Variants in DTWD2 observed in about 807,000 individuals in gnomAD.
DTWD2 encodes the protein DTW motif tRNA-uridine aminocarboxypropyltransferase 2.
A neutral mutation model predicts 31.8 loss-of-function variants in DTWD2; 39 were observed. That is an observed-to-expected ratio of 1.22 (90% CI 0.95 to 1.60). The LOEUF (loss-of-function observed/expected upper bound fraction) is 1.60. DTWD2 is among the 40% of genes most tolerant of loss of function. The pLI is 0.00. For missense variants in DTWD2, 515 were observed against 381.5 expected, an observed-to-expected ratio of 1.35 and a Z score of -2.92; for synonymous variants, 180 against 142.8, an observed-to-expected ratio of 1.26 and a Z score of -1.86.
At chr5:118,884,101 C>A (rs999905955) in intron 4 of DTWD2, among the ~76,000 whole-genome samples, 1 of 152,170 alleles carries the variant, frequency 6.6e-6, no homozygotes, top group African/African-American at 2.4e-5. Flanking sequence ...GAACATTTCT[C>A]ATCTCTGTTT....
At chr5:118,897,691 C>T (rs1167566836) in intron 4 of DTWD2, among the ~76,000 whole-genome samples, 1 of 152,146 alleles carries the variant, frequency 6.6e-6, no homozygotes, top group Non-Finnish European at 1.5e-5. Context: ...ACCATACAAA[C>T]CATACAAACC....
At position 118,854,038 on chromosome 5, in the gene DTWD2, GTAT is replaced by G. The variant is rs1308519489; in HGVS notation, c.598-5823_598-5821del. On this transcript the variant is annotated intron_variant, in intron 4 of 5. Transcript: ENST00000510708. ...TGGAAAATTTTAAATTGGTAAACAA[GTAT>G]TATTAGTCATAATTTATATCTCTGG... Among the ~76,000 whole-genome samples, 7 of 152,234 alleles carry G rather than the reference GTAT, an allele frequency of 4.6e-5. No homozygotes were observed. The East Asian group carries it at 1.3e-3, about 29-fold the overall frequency.
intron 4 of DTWD2, among the ~76,000 whole-genome samples, chr5:118,855,253 C>T (rs1390286951): frequency 2.8e-5 from 4 of 140,744 alleles, no homozygotes; most frequent in East Asian, 2.1e-4. Context: ...AACTTTTTAC[C>T]GCAACTTCTT....
At chr5:118,862,542 C>T (rs995862280) in intron 4 of DTWD2, among the ~76,000 whole-genome samples, 4 of 152,130 alleles carry the variant, frequency 2.6e-5, no homozygotes, top group African/African-American at 4.8e-5. Flanking sequence ...AAGTGAAGAT[C>T]TTGAATTTGC....
chr5:118,859,579 C>A (rs1304364356), intron 4 of DTWD2, among the ~76,000 whole-genome samples: 1 of 152,214 alleles, frequency 6.6e-6, no homozygotes, highest in Non-Finnish European at 1.5e-5. Flanking sequence ...GTCTTCTTTG[C>A]CCCAGCACCA....
intron 1 of DTWD2, among the ~76,000 whole-genome samples, chr5:118,982,306 C>T (rs1176938368): frequency 2.0e-5 from 3 of 152,094 alleles, no homozygotes; most frequent in Non-Finnish European, 2.9e-5. Flanking sequence ...AATATAATTC[C>T]TATTTTTCCT....
intron 3 of DTWD2, among the ~76,000 whole-genome samples, chr5:118,936,649 T>A (rs1356945335): frequency 6.6e-6 from 1 of 152,068 alleles, no homozygotes; most frequent in Non-Finnish European, 1.5e-5. Flanking sequence ...AATTTATTTT[T>A]TTTTTAAATT....
At chr5:118,887,649 C>G (rs575235118) in intron 4 of DTWD2, among the ~76,000 whole-genome samples, 1 of 152,098 alleles carries the variant, frequency 6.6e-6, no homozygotes, top group Non-Finnish European at 1.5e-5. Flanking sequence ...GACAGGGACT[C>G]GCTGTTTTAC....
intron 1 of DTWD2, among the ~76,000 whole-genome samples, chr5:118,974,900 GTC>G: frequency 6.6e-6 from 1 of 152,288 alleles, no homozygotes; most frequent in Admixed American, 6.5e-5. Context: ...TCTGCTGTTA[GTC>G]TGATAGGCTT....
rs1168974011 is a variant in DTWD2, at chr5:118,838,749, CTTT to C, written c.*2165_*2167del. The C allele has an allele frequency of 7.8e-6, 1 of 128,624 alleles. No homozygotes were observed. Among genetic ancestry groups the C allele is most frequent in the African/African-American group, 3.9e-5 (1 of 25,442 alleles). 8.0% of individuals were successfully genotyped at this position (128,624 alleles called of 1,614,324 possible). The stretch of plus-strand genomic sequence containing the variant: ...ATTTCCAAAAACACTAAATTTTAAG[CTTT>C]TTAAGTCTTCAAAAATACTCTAAAA... On this transcript the variant is annotated 3_prime_UTR_variant, in exon 6 of 6. Transcript: ENST00000510708.
intron 4 of DTWD2, among the ~76,000 whole-genome samples, chr5:118,876,398 G>C (rs1752622766): frequency 6.6e-6 from 1 of 152,006 alleles, no homozygotes; most frequent in African/African-American, 2.4e-5. Flanking sequence ...TGAATTGAAG[G>C]AGACTAAGAC....
chr5:118,920,780 T>G (rs1427428497), intron 4 of DTWD2, among the ~76,000 whole-genome samples: 2 of 152,220 alleles, frequency 1.3e-5, no homozygotes, highest in African/African-American at 4.8e-5. Context: ...ATCTATGTGT[T>G]ATTGTCAATT....
chr5:118,972,214 T>C (rs961229404), intron 1 of DTWD2, among the ~76,000 whole-genome samples: 4 of 151,922 alleles, frequency 2.6e-5, no homozygotes, highest in Admixed American at 2.0e-4. Flanking sequence ...TAACAATAAA[T>C]AGACTGCTAG....
At chr5:118,913,156 C>A (rs1413124924) in intron 4 of DTWD2, among the ~76,000 whole-genome samples, 1 of 151,910 alleles carries the variant, frequency 6.6e-6, no homozygotes, top group Admixed American at 6.6e-5. Context: ...AATATTGCCA[C>A]CTCAGGTATA....
chr5:118,926,723 G>T (rs111848577), intron 4 of DTWD2, among the ~76,000 whole-genome samples: 74 of 150,808 alleles, frequency 4.9e-4, no homozygotes, highest in African/African-American at 1.7e-3. Flanking sequence ...TTTTTTTTTG[G>T]AGACAGGGTC....
chr5:118,918,799 G>C (rs1027470237), intron 4 of DTWD2, among the ~76,000 whole-genome samples: 1 of 151,036 alleles, frequency 6.6e-6, no homozygotes, highest in Admixed American at 6.6e-5. Context: ...ACCAGCCTGG[G>C]CAACGTGGTA....
intron 1 of DTWD2, among the ~76,000 whole-genome samples, chr5:118,982,123 A>T (rs411110): frequency 0.69 from 105,133 of 152,086 alleles, 36,776 homozygotes; most frequent in East Asian, 0.99. Flanking sequence ...CTTTGTAGCC[A>T]GTGAACTCTT....
At chr5:118,945,930 A>C (rs1006420372) in intron 1 of DTWD2, among the ~76,000 whole-genome samples, 1 of 152,210 alleles carries the variant, frequency 6.6e-6, no homozygotes, top group African/African-American at 2.4e-5. Flanking sequence ...GGGAATTTCC[A>C]ATACCATACA....
chr5:118,978,071 T>G (rs1382116873), intron 1 of DTWD2, among the ~76,000 whole-genome samples: 1 of 150,672 alleles, frequency 6.6e-6, no homozygotes, highest in East Asian at 1.9e-4. Context: ...CATCTGATCT[T>G]CCACAAGCCT....
Sources: allele counts gnomAD v4.1 joint callset (sites outside exome capture counted in the v4.1 genomes callset), GRCh38; gene constraint gnomAD v4.1.1; transcripts MANE v1.5; gene names NCBI Gene and HGNC (gene_info 2026-07-23, HGNC 2026-07-21).